Variants in DNM3 observed in about 807,000 individuals in gnomAD.
The protein encoded by DNM3 is dynamin 3, also known as dynamin-3.
A neutral mutation model predicts 101.6 loss-of-function variants in DNM3; 47 were observed. The observed-to-expected ratio is 0.46, with a 90% CI of 0.37 to 0.59. The LOEUF is 0.59. Among genes scored for constraint, DNM3 ranks in the 20% least tolerant of loss-of-function variants. The pLI is 0.00. For missense variants in DNM3, 849 were observed against 1,085.7 expected, an observed-to-expected ratio of 0.78 and a Z score of 3.06; for synonymous variants, 385 against 387.9, an observed-to-expected ratio of 0.99 and a Z score of 0.09.
intron 1 of DNM3, among the ~76,000 whole-genome samples, chr1:171,898,701 T>TAG (rs1192329165): frequency 3.4e-3 from 271 of 79,358 alleles, no homozygotes; most frequent in African/African-American, 9.6e-3. Context: ...TACATATATA[T>TAG]ATATAGAGAG....
At chr1:171,895,759 T>C (rs2037731724) in intron 1 of DNM3, among the ~76,000 whole-genome samples, 1 of 152,166 alleles carries the variant, frequency 6.6e-6, no homozygotes, top group Admixed American at 6.5e-5. Context: ...TTCTAGGGTT[T>C]TTATGGTTTT....
rs374793664 is a variant in DNM3, at chr1:171,987,783, T to C, written c.363T>C (p.Asn121=). The change falls in exon 3 of 21, where the codon AAT becomes AAC. Residue 121 remains asparagine (N), a synonymous_variant. Transcript: ENST00000627582. ...AAGGCATTTCCTCCATACCCATTAATTTACGAGTCTATTCCCCACACGGTA... is the reference window on the plus strand; with the variant it reads ...AAGGCATTTCCTCCATACCCATTAACTTACGAGTCTATTCCCCACACGGTA... ...MNKGISSIPI[N]LRVYSPHVLN... 4.8e-5 allele frequency: 75 copies of C among 1,576,818 alleles called. No homozygotes were observed. The highest frequency in any genetic ancestry group is 3.1e-5 in the Non-Finnish European group (36 of 1,166,380).
intron 11 of DNM3, among the ~76,000 whole-genome samples, chr1:172,074,786 G>A (rs974037384): frequency 8.5e-5 from 13 of 152,180 alleles, no homozygotes; most frequent in Admixed American, 8.5e-4. Flanking sequence ...GCGTGTACAT[G>A]TGTCTTTGTA....
chr1:172,089,901 C>A (rs945550348), intron 12 of DNM3, among the ~76,000 whole-genome samples: 20 of 152,136 alleles, frequency 1.3e-4, no homozygotes, highest in African/African-American at 4.8e-4. Flanking sequence ...AGTCCTCTAG[C>A]CCTCCTCTCT....
At chr1:172,070,600 C>T (rs1262630584) in intron 11 of DNM3, among the ~76,000 whole-genome samples, 2 of 152,108 alleles carry the variant, frequency 1.3e-5, no homozygotes, top group Non-Finnish European at 2.9e-5. Flanking sequence ...ATGGCATGTT[C>T]AAACTTCACC....
rs2069297099 is a variant in DNM3 at position 172,388,049 on chromosome 1, C to T, written c.2286-524C>T. On this transcript the variant is annotated intron_variant, in intron 19 of 20. Coordinates refer to ENST00000627582, the MANE Select transcript of DNM3 (RefSeq NM_015569.5). ...AGGAGTTTGAGACCAGGCTGGCCAA[C>T]ATAGTGAAACCCTGTCCCTACTAAA... 2.0e-5 allele frequency among the ~76,000 whole-genome samples: 3 copies of T among 152,188 alleles called. No homozygotes were observed. The South Asian group carries it at 6.2e-4, about 32-fold the overall frequency.
chr1:171,915,506 A>G (rs1403755430), intron 1 of DNM3, among the ~76,000 whole-genome samples: 1 of 152,188 alleles, frequency 6.6e-6, no homozygotes, highest in Non-Finnish European at 1.5e-5. Flanking sequence ...GAGCATGAGG[A>G]TAGAGGTAGA....
At chr1:172,097,402 A>G (rs1311263314) in intron 13 of DNM3, among the ~76,000 whole-genome samples, 2 of 152,104 alleles carry the variant, frequency 1.3e-5, no homozygotes, top group Admixed American at 6.5e-5. Flanking sequence ...TGTCTCAAAA[A>G]AAAAAAGAAA....
At chr1:171,871,529 C>T (rs935181672) in intron 1 of DNM3, among the ~76,000 whole-genome samples, 3 of 152,162 alleles carry the variant, frequency 2.0e-5, no homozygotes, top group Non-Finnish European at 2.9e-5. Context: ...ATAGGATTCT[C>T]GCAAGAACTG....
At chr1:172,216,543 G>C (rs1557829355) in intron 14 of DNM3, among the ~76,000 whole-genome samples, 1 of 152,032 alleles carries the variant, frequency 6.6e-6, no homozygotes, top group Non-Finnish European at 1.5e-5. Flanking sequence ...AAAACTACTT[G>C]TTGATCTCTT....
chr1:172,089,968 C>T (rs751515872), intron 12 of DNM3, among the ~76,000 whole-genome samples: 6 of 152,262 alleles, frequency 3.9e-5, no homozygotes, highest in Admixed American at 1.3e-4. Context: ...TATAGCTGAG[C>T]GACTGAAGTC....
chr1:172,016,258 A>G (rs1221589133), intron 4 of DNM3, among the ~76,000 whole-genome samples: 1 of 152,016 alleles, frequency 6.6e-6, no homozygotes, highest in Admixed American at 6.6e-5. Flanking sequence ...GTTCTTTATC[A>G]AGTTGAGAAA....
intron 10 of DNM3, among the ~76,000 whole-genome samples, chr1:172,068,314 G>A (rs1018458337): frequency 6.6e-6 from 1 of 152,008 alleles, no homozygotes; most frequent in Non-Finnish European, 1.5e-5. Context: ...GGTGACAAGA[G>A]CAAAACTCTG....
chr1:172,114,695 A>G (rs2055759791), intron 13 of DNM3, among the ~76,000 whole-genome samples: 1 of 152,214 alleles, frequency 6.6e-6, no homozygotes, highest in South Asian at 2.1e-4. Context: ...GTCCTCCAAC[A>G]GTAGGTACTA....
chr1:172,412,531 G>A lies in DNM3; in HGVS notation c.*4690G>A, dbSNP rs915243902. Reference sequence around the variant, plus strand: ...TCTCTGCTGATTCTTTAATTAATATGAGCCGGATACTTTCCACTGTCTTCT... The same window carrying A: ...TCTCTGCTGATTCTTTAATTAATATAAGCCGGATACTTTCCACTGTCTTCT... On this transcript the variant is annotated 3_prime_UTR_variant, in exon 21 of 21. Coordinates refer to ENST00000627582, the MANE Select transcript of DNM3 (RefSeq NM_015569.5). The A allele has an allele frequency of 3.0e-6, 3 of 985,596 alleles. No homozygotes were observed. The highest frequency in any genetic ancestry group is 3.5e-5 in the African/African-American group (2 of 57,280). The allele number at this position is 985,596 out of a possible 1,614,324, so 61.1% of individuals were successfully genotyped here.
At chr1:171,925,446 G>A (rs1246140632) in intron 2 of DNM3, among the ~76,000 whole-genome samples, 1 of 151,668 alleles carries the variant, frequency 6.6e-6, no homozygotes, top group African/African-American at 2.4e-5. Context: ...TAGCCAGGAT[G>A]GTCTCAATCT....
chr1:172,372,372 T>C (rs889014895), intron 17 of DNM3, among the ~76,000 whole-genome samples: 2 of 151,922 alleles, frequency 1.3e-5, no homozygotes, highest in African/African-American at 2.4e-5. Context: ...TGACAAGAAT[T>C]CTATTAAAAC....
chr1:172,069,823 C>T (rs1340409927), intron 11 of DNM3, among the ~76,000 whole-genome samples: 6 of 152,100 alleles, frequency 3.9e-5, no homozygotes, highest in Non-Finnish European at 5.9e-5. Flanking sequence ...CTCTGAAAGC[C>T]TGTGTAAGTT....
chr1:171,942,855 C>T (rs1410890938), intron 2 of DNM3, among the ~76,000 whole-genome samples: 1 of 152,072 alleles, frequency 6.6e-6, no homozygotes, highest in East Asian at 1.9e-4. Flanking sequence ...CTCATGCCTC[C>T]AATCCCAGCA....
Sources: allele counts gnomAD v4.1 joint callset (sites outside exome capture counted in the v4.1 genomes callset), GRCh38; gene constraint gnomAD v4.1.1; transcripts MANE v1.5; gene names NCBI Gene and HGNC (gene_info 2026-07-23, HGNC 2026-07-21).